The following LAMA5 variants were observed in gnomAD, a reference collection of about 807,000 sequenced individuals.
LAMA5 encodes the protein laminin subunit alpha-5.
In LAMA5, 260 loss-of-function variants were observed where a neutral mutation model predicts 433.4. That is an observed-to-expected ratio of 0.60 (90% CI 0.54 to 0.66). The LOEUF is 0.66. Ranked by LOEUF, LAMA5 falls within the 30% of genes least tolerant of loss-of-function variation. The probability of loss-of-function intolerance (pLI) is 0.00; values close to 1 mark genes in which losing one functional copy is unlikely to be tolerated. For synonymous variants in LAMA5, 2,620 were observed against 2,226.6 expected (o/e 1.18, Z -4.97); for missense variants, 5,378 against 5,258.5 (o/e 1.02, Z -0.70).
Position 62,330,963 on chromosome 20 carries a change from G to A in LAMA5, c.3651-19C>T. 3 of 1,556,324 alleles carry A rather than the reference G, an allele frequency of 1.9e-6. No individual in the cohort carries two copies. Among genetic ancestry groups the A allele is most frequent in the Non-Finnish European group, 2.6e-6 (3 of 1,150,192 alleles). On this transcript the variant is annotated intron_variant, in intron 29 of 79. Transcript: ENST00000252999. ...GGCGGCACTGGTGAGAGCACAGTGG[G>A]TGAGTCAGAGCCGGCCCTGCCGCCG...
In LAMA5 at chr20:62,322,469, C is replaced by A. The variant is rs1274099976; in HGVS notation, c.6166-20G>T. 6.4e-7 allele frequency: 1 copy of A among 1,560,036 alleles called. No individual in the cohort carries two copies. Among genetic ancestry groups the A allele is most frequent in the South Asian group, 1.2e-5 (1 of 85,216 alleles). On this transcript the variant is annotated intron_variant, in intron 46 of 79. Transcript: ENST00000252999. ...TCCCTCCTGTGGCACAGGCTGGTCACTGCCCTGCCCAGCCCTCAAGACTGT... is the reference window on the plus strand; with the variant it reads ...TCCCTCCTGTGGCACAGGCTGGTCAATGCCCTGCCCAGCCCTCAAGACTGT...
Position 62,328,268 on chromosome 20 carries a change from G to T in LAMA5, c.4625C>A (p.Thr1542Asn). The T allele has an allele frequency of 6.2e-7, 1 of 1,608,260 alleles. No individual in the cohort carries two copies. Among genetic ancestry groups the T allele is most frequent in the Non-Finnish European group, 8.5e-7 (1 of 1,178,046 alleles). The change falls in exon 35 of 80, where the codon ACC (threonine) becomes AAC (asparagine). Residue 1542 changes from threonine to asparagine, a missense_variant. Physicochemically the swap from Thr to Asn is moderately conservative, Grantham distance 65 (BLOSUM62 0). Transcript: ENST00000252999. ...GPGIQELTDP[T>N]CDTDSGQCKC... ...GCACTGGCCGCTGTCTGTGTCACAG[G>T]TAGGGTCTGTGAGCTCCTGGATGCC...
rs572559507 is a variant in LAMA5 at position 62,355,638 on chromosome 20, G to A, written c.451-2387C>T. Among the ~76,000 whole-genome samples, 12 of 152,184 alleles carry A rather than the reference G, an allele frequency of 7.9e-5. 1 individual carries two copies. In the South Asian group the frequency reaches 1.2e-3, roughly 16 times the overall value. ...CCGGCTGCCAGGCTCTGAGGTCATCGTCTACCTCCCTGTGGGTGGGGGGCA... is the reference window on the plus strand; with the variant it reads ...CCGGCTGCCAGGCTCTGAGGTCATCATCTACCTCCCTGTGGGTGGGGGGCA... On this transcript the variant is annotated intron_variant, in intron 2 of 79. Transcript: ENST00000252999.
Position 62,313,532 on chromosome 20 carries a change from C to G in LAMA5, c.8659-72G>C, listed in dbSNP as rs1451651653. 1.3e-5 allele frequency: 20 copies of G among 1,556,060 alleles called. No individual in the cohort carries two copies. The South Asian group carries it at 2.4e-4, about 19-fold the overall frequency. ...CCTCCAGGATGGACCAAGGGGACTT[C>G]AGACTACAGCAGGACGGACTGAGGC... On this transcript the variant is annotated intron_variant, in intron 63 of 79. Coordinates refer to ENST00000252999, the MANE Select transcript of LAMA5 (RefSeq NM_005560.6).
intron 48 of LAMA5, among the ~76,000 whole-genome samples, 196 bp downstream of exon 48, chr20:62,321,823 G>A (rs1234787994): frequency 6.6e-6 from 1 of 151,704 alleles, no homozygotes; most frequent in Non-Finnish European, 1.5e-5. Context: ...GCTAGGGACA[G>A]TAGAGGGGTG....
intron 20 of LAMA5, 74 bp from the exon 21 acceptor site, chr20:62,334,695 G>C (rs974065217): frequency 8.2e-7 from 1 of 1,212,952 alleles, no homozygotes; most frequent in Non-Finnish European, 1.1e-6. Flanking sequence ...CAGCCAGACT[G>C]AGAAGCCTGC....
chr20:62,336,684 T>G, intron 17 of LAMA5, 50 bp downstream of exon 17: 2 of 1,604,302 alleles, frequency 1.2e-6, no homozygotes, highest in Non-Finnish European at 1.7e-6. Flanking sequence ...GACTTTTAGC[T>G]TGGCCTGGGT....
rs149378083 is a variant in LAMA5 at position 62,334,730 on chromosome 20, GTCAGGGC to G, written c.2483-116_2483-110del. 1.6e-3 allele frequency: 981 copies of G among 611,136 alleles called. 9 individuals are homozygous for G. In the African/African-American group the frequency reaches 0.017, roughly 10 times the overall value. 37.9% of individuals were successfully genotyped at this position (611,136 alleles called of 1,614,324 possible). On this transcript the variant is annotated intron_variant, in intron 20 of 79. Coordinates refer to ENST00000252999, the MANE Select transcript of LAMA5 (RefSeq NM_005560.6). Reference sequence around the variant, plus strand: ...CCTGGGGCTCTCTGGATGATGGAGAGTCAGGGCTCAGGGCTCAGGGCTCAGGGCGAGG... The same window carrying G: ...CCTGGGGCTCTCTGGATGATGGAGAGTCAGGGCTCAGGGCTCAGGGCGAGG...
At position 62,351,751 on chromosome 20, in the gene LAMA5, G is replaced by A. The variant is rs145033897; in HGVS notation, c.909C>T (p.His303=). Residue 303 remains histidine, a synonymous_variant, in exon 6 of 80, where the codon CAC becomes CAT. Coordinates refer to ENST00000252999, the MANE Select transcript of LAMA5 (RefSeq NM_005560.6). The part of the protein sequence containing the change: ...DISIGGRCVC[H]GHADACDAKD... ...TGGCATCGCAGGCATCCGCGTGGCC[G>A]TGGCAGACACAGCGGCCTCCGATGC... The A allele has an allele frequency of 1.6e-5, 26 of 1,611,796 alleles. No individual in the cohort carries two copies. The highest frequency in any genetic ancestry group is 1.1e-4 in the East Asian group (5 of 44,868).
intron 11 of LAMA5, among the ~76,000 whole-genome samples, chr20:62,339,172 C>T (rs975358722): frequency 6.7e-6 from 1 of 149,570 alleles, no homozygotes; most frequent in Non-Finnish European, 1.5e-5. Flanking sequence ...AGCATTAACA[C>T]AAAGAGAAAA....
In LAMA5 at chr20:62,337,495, C is replaced by T. The variant is rs1035593154; in HGVS notation, c.2164+95G>A. The T allele has an allele frequency of 1.6e-5, 24 of 1,489,350 alleles. No individual in the cohort carries two copies. The East Asian group carries it at 2.2e-4, about 14-fold the overall frequency. The allele number at this position is 1,489,350 out of a possible 1,614,324, so 92.3% of individuals were successfully genotyped here. A position where few individuals can be genotyped will look rare whatever the true frequency, so the allele number is the denominator to read the frequency against. ...GTCGCAGTACACACAGCAAGATGCA[C>T]GTGAACAGCCTCACAGGAAGGCAGG... is the stretch of plus-strand genomic sequence containing the variant. On this transcript the variant is annotated intron_variant, in intron 16 of 79. Coordinates refer to ENST00000252999, the MANE Select transcript of LAMA5 (RefSeq NM_005560.6).
chr20:62,338,664 C>A, intron 11 of LAMA5, 56 bp from the exon 12 acceptor site: 1 of 1,522,062 alleles, frequency 6.6e-7, no homozygotes, highest in Non-Finnish European at 8.8e-7. Flanking sequence ...CCCAGTACGC[C>A]CCTCCTGGCA....
At position 62,320,575 on chromosome 20, in the gene LAMA5, C is replaced by G; in HGVS notation, c.6743G>C (p.Arg2248Pro). The change falls in exon 50 of 80, where the codon CGG (arginine) becomes CCG (proline). Residue 2248 changes from arginine (R) to proline (P), a missense_variant. Arg to Pro is a moderately radical substitution (Grantham distance 103). Coordinates refer to ENST00000252999, the MANE Select transcript of LAMA5 (RefSeq NM_005560.6). ...GGCTCCTGCCTGGCCGCCTAGCCGC[C>G]GTGCGTCCTGCCCGAGGCTTGTGCT... ...QQSTSLGQDA[R>P]RLGGQAVGTR... 6.3e-7 allele frequency: 1 copy of G among 1,599,168 alleles called. No individual in the cohort carries two copies. The highest frequency in any genetic ancestry group is 8.5e-7 in the Non-Finnish European group (1 of 1,177,670).
At chr20:62,343,887 G>A (rs1982974487) in intron 11 of LAMA5, among the ~76,000 whole-genome samples, 1 of 151,554 alleles carries the variant, frequency 6.6e-6, no homozygotes, top group Non-Finnish European at 1.5e-5. Context: ...GTTCATGCCT[G>A]TAATCCCAGC....
chr20:62,313,395 C>T lies in LAMA5; in HGVS notation c.8724G>A (p.Glu2908=). The T allele has an allele frequency of 6.2e-7, 1 of 1,607,464 alleles. No homozygotes were observed. Among genetic ancestry groups the T allele is most frequent in the Middle Eastern group, 1.7e-4 (1 of 6,052 alleles). The change falls in exon 64 of 80, where the codon GAG becomes GAA. Residue 2908 remains glutamate, a synonymous_variant. Coordinates refer to ENST00000252999, the MANE Select transcript of LAMA5 (RefSeq NM_005560.6). ...GCIEMDTLNE[E]VVSLYNFERT... Reference sequence around the variant, plus strand: ...TCTCGAAGTTGTAGAGGCTGACCACCTCCTCATTCAGCGTGTCCATCTCGA... The same window carrying T: ...TCTCGAAGTTGTAGAGGCTGACCACTTCCTCATTCAGCGTGTCCATCTCGA...
chr20:62,348,787 A>ATT (rs1274306138), intron 6 of LAMA5, among the ~76,000 whole-genome samples: 2 of 152,160 alleles, frequency 1.3e-5, no homozygotes, highest in Non-Finnish European at 2.9e-5. Flanking sequence ...TGGAAGAGAG[A>ATT]TTTAGTGAAG....
At chr20:62,349,295 CGTGA>C (rs1243779153) in intron 6 of LAMA5, among the ~76,000 whole-genome samples, 24 of 102,732 alleles carry the variant, frequency 2.3e-4, no homozygotes, top group Non-Finnish European at 4.8e-4. Flanking sequence ...AAAAAAAAAG[CGTGA>C]GTCCTGAGCA....
In LAMA5 at chr20:62,329,824, C is replaced by T. The variant is rs757478552; in HGVS notation, c.4072G>A (p.Glu1358Lys). ...GQALLDVTHSELTVTVRVPKG... is the reference protein window; with the variant it reads ...GQALLDVTHSKLTVTVRVPKG... ...GGCACACGCACGGTCACAGTGAGCTCGCTGTGGGTCACGTCCAGCAGGGCC... is the reference window on the plus strand; with the variant it reads ...GGCACACGCACGGTCACAGTGAGCTTGCTGTGGGTCACGTCCAGCAGGGCC... The change falls in exon 32 of 80, where the codon GAG (glutamate) becomes AAG (lysine). Residue 1358 changes from glutamate (E) to lysine (K), a missense_variant. By Grantham distance (56) the Glu-to-Lys change is moderately conservative. Transcript: ENST00000252999. 1.2e-4 allele frequency: 196 copies of T among 1,612,380 alleles called. 1 individual carries two copies. Among genetic ancestry groups the T allele is most frequent in the South Asian group, 1.0e-3 (91 of 90,998 alleles).
At chr20:62,363,401 A>G (rs1423157820) in intron 1 of LAMA5, among the ~76,000 whole-genome samples, 1 of 152,182 alleles carries the variant, frequency 6.6e-6, no homozygotes, top group African/African-American at 2.4e-5. Flanking sequence ...AATGGCTCAC[A>G]CACACAGCCT....
Sources: allele counts gnomAD v4.1 joint callset (sites outside exome capture counted in the v4.1 genomes callset), GRCh38; gene constraint gnomAD v4.1.1; transcripts MANE v1.5; gene names NCBI Gene and HGNC (gene_info 2026-07-23, HGNC 2026-07-21).